The following CHCHD3 variants were observed in gnomAD, a reference collection of about 807,000 sequenced individuals.
CHCHD3 encodes coiled-coil-helix-coiled-coil-helix domain containing 3.
Under a neutral mutation model 38.2 loss-of-function variants are expected in CHCHD3, and 20 were observed. The ratio of observed to expected loss-of-function variants is 0.52; its 90% CI spans 0.37 to 0.76. The LOEUF (loss-of-function observed/expected upper bound fraction) is 0.76, where lower values mean the gene tolerates loss of function less well. Ranked by LOEUF, CHCHD3 falls within the 30% of genes least tolerant of loss-of-function variation. The pLI is 0.00. For missense variants in CHCHD3, 245 were observed against 279.2 expected, an observed-to-expected ratio of 0.88 and a Z score of 0.87; for synonymous variants, 82 against 100.0, an observed-to-expected ratio of 0.82 and a Z score of 1.07.
chr7:132,936,563 C>T (rs771885671), intron 4 of CHCHD3, among the ~76,000 whole-genome samples: 1 of 152,088 alleles, frequency 6.6e-6, no homozygotes, highest in Non-Finnish European at 1.5e-5. Flanking sequence ...TCTATCAGGC[C>T]CATAAAAGTA....
rs139349988 is a variant in CHCHD3 at position 132,899,527 on chromosome 7, T to C, written c.370-13782A>G. On this transcript the variant is annotated intron_variant, in intron 4 of 7. Coordinates refer to ENST00000262570, the MANE Select transcript of CHCHD3 (RefSeq NM_017812.4). ...CAAAATGATGACAGCAAACATCAACTTCCACTTCAAACAGAATGTAAACCA... is the reference window on the plus strand; with the variant it reads ...CAAAATGATGACAGCAAACATCAACCTCCACTTCAAACAGAATGTAAACCA... 6.6e-4 allele frequency among the ~76,000 whole-genome samples: 100 copies of C among 152,308 alleles called. No individual in the cohort carries two copies. In the East Asian group the frequency reaches 0.017, roughly 26 times the overall value.
chr7:132,841,950 T>C (rs1807950293), intron 5 of CHCHD3, among the ~76,000 whole-genome samples: 1 of 151,472 alleles, frequency 6.6e-6, no homozygotes, highest in Non-Finnish European at 1.5e-5. Flanking sequence ...ACAAAAAAAT[T>C]AGCCAGGCGT....
intron 5 of CHCHD3, among the ~76,000 whole-genome samples, chr7:132,870,809 T>C (rs888734462): frequency 3.9e-5 from 6 of 152,164 alleles, no homozygotes; most frequent in African/African-American, 1.4e-4. Context: ...ACTAGGTAAA[T>C]AGTGCCACCA....
intron 6 of CHCHD3, among the ~76,000 whole-genome samples, chr7:132,818,290 C>T (rs555361541): frequency 6.6e-6 from 1 of 152,310 alleles, no homozygotes; most frequent in East Asian, 1.9e-4. Context: ...CACGACGTGG[C>T]AAGACTGCTC....
At chr7:132,923,954 A>C (rs1833647056) in intron 4 of CHCHD3, among the ~76,000 whole-genome samples, 1 of 152,226 alleles carries the variant, frequency 6.6e-6, no homozygotes, top group South Asian at 2.1e-4. Flanking sequence ...ATGGAGTCTT[A>C]GATTTTTAGA....
intron 2 of CHCHD3, among the ~76,000 whole-genome samples, chr7:133,029,722 G>A (rs1813448510): frequency 6.6e-6 from 1 of 152,120 alleles, no homozygotes; most frequent in African/African-American, 2.4e-5. Flanking sequence ...GCAGACTGGA[G>A]GCTTGCTGTT....
chr7:132,953,922 C>T (rs777608982), intron 4 of CHCHD3, among the ~76,000 whole-genome samples: 1 of 152,050 alleles, frequency 6.6e-6, no homozygotes, highest in Non-Finnish European at 1.5e-5. Context: ...GATAAATTAT[C>T]GGGTTGCCCT....
intron 4 of CHCHD3, among the ~76,000 whole-genome samples, chr7:132,927,688 T>TAACTA (rs1562910810): frequency 6.6e-6 from 1 of 152,230 alleles, no homozygotes; most frequent in East Asian, 1.9e-4. Flanking sequence ...AGCCTATTCT[T>TAACTA]GGAACTAGAT....
chr7:132,960,107 C>T (rs566818536), intron 4 of CHCHD3, among the ~76,000 whole-genome samples: 1 of 152,294 alleles, frequency 6.6e-6, no homozygotes, highest in African/African-American at 2.4e-5. Context: ...TAAAAGATTT[C>T]TGTCAGGGTG....
At chr7:133,073,520 G>A (rs1356611370) in intron 1 of CHCHD3, among the ~76,000 whole-genome samples, 5 of 151,968 alleles carry the variant, frequency 3.3e-5, no homozygotes, top group East Asian at 3.9e-4. Context: ...CACGTTTGCC[G>A]CATATCTCCT....
intron 4 of CHCHD3, among the ~76,000 whole-genome samples, chr7:132,922,048 T>C (rs1316863511): frequency 6.6e-6 from 1 of 152,200 alleles, no homozygotes; most frequent in Admixed American, 6.5e-5. Flanking sequence ...ATGTGATGTA[T>C]AGCTGAGCTA....
chr7:132,878,514 G>T lies in CHCHD3; in HGVS notation c.453+7148C>A, dbSNP rs369486514. ...ATTTAATTAGCAACTCTCTCCACAG[G>T]TGACAAACTAGTAATATACTTTTCT... is the stretch of plus-strand genomic sequence containing the variant. On this transcript the variant is annotated intron_variant, in intron 5 of 7. Transcript: ENST00000262570. Among the ~76,000 whole-genome samples, 10 of 152,250 alleles carry T rather than the reference G, an allele frequency of 6.6e-5. No homozygotes were observed. The South Asian group carries it at 2.1e-3, about 32-fold the overall frequency.
intron 4 of CHCHD3, among the ~76,000 whole-genome samples, chr7:132,922,476 G>T (rs1488979697): frequency 6.6e-6 from 1 of 152,044 alleles, no homozygotes; most frequent in Non-Finnish European, 1.5e-5. Context: ...ACTCATGTGA[G>T]TCCAGGCCAG....
At chr7:133,078,857 G>A (rs760310204) in intron 1 of CHCHD3, among the ~76,000 whole-genome samples, 9 of 152,182 alleles carry the variant, frequency 5.9e-5, no homozygotes, top group Non-Finnish European at 1.2e-4. Flanking sequence ...AAGTTGGAAC[G>A]TTTTCTTCAG....
At chr7:132,917,919 T>C (rs942815196) in intron 4 of CHCHD3, among the ~76,000 whole-genome samples, 1 of 140,188 alleles carries the variant, frequency 7.1e-6, no homozygotes, top group African/African-American at 2.6e-5. Context: ...ATTATATACA[T>C]AAAAGCATGT....
chr7:132,952,277 C>T (rs922015783), intron 4 of CHCHD3, among the ~76,000 whole-genome samples: 6 of 152,154 alleles, frequency 3.9e-5, no homozygotes, highest in Admixed American at 3.9e-4. Flanking sequence ...TGCCTAGGTC[C>T]CACCCTGTAA....
intron 3 of CHCHD3, among the ~76,000 whole-genome samples, chr7:133,009,779 T>C (rs958198314): frequency 3.9e-5 from 6 of 152,192 alleles, no homozygotes; most frequent in Non-Finnish European, 7.3e-5. Flanking sequence ...TTCAGTCTCA[T>C]GTAAAATGTA....
intron 6 of CHCHD3, chr7:132,815,610 A>G (rs1285897920): frequency 1.3e-5 from 6 of 455,852 alleles, no homozygotes; most frequent in Non-Finnish European, 2.6e-5. Context: ...CTGTTTTGTG[A>G]TATTTCATTT....
At chr7:132,877,492 T>C (rs1357728777) in intron 5 of CHCHD3, among the ~76,000 whole-genome samples, 2 of 152,230 alleles carry the variant, frequency 1.3e-5, no homozygotes, top group Non-Finnish European at 2.9e-5. Context: ...GTGTCAATTA[T>C]GTTAACAAAA....
Sources: gnomAD v4.1 joint callset for allele counts (sites outside exome capture counted in the v4.1 genomes callset) on GRCh38, gnomAD v4.1.1 for gene constraint, MANE v1.5 for transcripts, NCBI Gene and HGNC (gene_info 2026-07-23, HGNC 2026-07-21) for gene names.